DCAF13: variants seen among roughly 807,000 people sequenced by gnomAD.
The protein encoded by DCAF13 is DDB1 and CUL4 associated factor 13, also known as DDB1- and CUL4-associated factor 13.
A neutral mutation model predicts 59.0 loss-of-function variants in DCAF13; 38 were observed. The ratio of observed to expected loss-of-function variants is 0.64; its 90% CI spans 0.50 to 0.84. The LOEUF is 0.84. Ranked by LOEUF, DCAF13 falls within the 40% of genes least tolerant of loss-of-function variation. DCAF13 has a pLI of 0.00. For synonymous variants in DCAF13, 173 were observed against 175.0 expected, an observed-to-expected ratio of 0.99 and a Z score of 0.09; for missense variants, 469 against 558.4, an observed-to-expected ratio of 0.84 and a Z score of 1.61.
At chr8:103,438,097 G>T (rs2130495833) in intron 8 of DCAF13, among the ~76,000 whole-genome samples, 1 of 152,244 alleles carries the variant, frequency 6.6e-6, no homozygotes, top group Admixed American at 6.5e-5. Flanking sequence ...CTAACCGTTG[G>T]ATCTGACTGG....
chr8:103,441,649 CT>C, intron 10 of DCAF13, 31 bp downstream of exon 10: 1 of 1,597,824 alleles, frequency 6.3e-7, no homozygotes, highest in Admixed American at 1.8e-5. Context: ...CTCTATTACC[CT>C]TTTCTGACTT....
intron 10 of DCAF13, 162 bp downstream of exon 10, chr8:103,441,780 T>TA: frequency 3.0e-6 from 2 of 672,236 alleles, no homozygotes; most frequent in Non-Finnish European, 4.7e-6. Flanking sequence ...TTTTCTTTTT[T>TA]CTTTTTTTTT....
chr8:103,434,971 G>T (rs2130492850), intron 7 of DCAF13, among the ~76,000 whole-genome samples: 1 of 152,160 alleles, frequency 6.6e-6, no homozygotes, highest in South Asian at 2.1e-4. Flanking sequence ...AAATGCTCAT[G>T]CCTTTAAGCT....
At position 103,415,773 on chromosome 8, in the gene DCAF13, C is replaced by A. The variant is rs151232952; in HGVS notation, c.70+257C>A. 2.6e-5 allele frequency among the ~76,000 whole-genome samples: 4 copies of A among 152,298 alleles called. No individual in the cohort carries two copies. In the East Asian group the frequency reaches 7.7e-4, roughly 29 times the overall value. On this transcript the variant is annotated intron_variant, in intron 1 of 10. Transcript: ENST00000612750. ...CAGTTGTCTATAGTGGAGAAAAATT[C>A]CAGCTGCTGCTCTGGGATTGTCTTC...
At chr8:103,418,858 ATATATATATTTTTTTTT>A (rs1816675374) in intron 1 of DCAF13, among the ~76,000 whole-genome samples, 1 of 34,946 alleles carries the variant, frequency 2.9e-5, no homozygotes, top group Non-Finnish European at 4.8e-5. Context: ...ATATATATAT[ATATATATATTTTTTTTT>A]TTTTTTTTTT....
At chr8:103,439,876 A>G (rs994036872) in intron 8 of DCAF13, 1 of 235,076 alleles carries the variant, frequency 4.3e-6, no homozygotes, top group Non-Finnish European at 8.1e-6. Flanking sequence ...TTTTCTGTAC[A>G]TCTGGTTTTG....
At chr8:103,432,108 G>A (rs1816872919) in intron 6 of DCAF13, among the ~76,000 whole-genome samples, 1 of 152,080 alleles carries the variant, frequency 6.6e-6, no homozygotes, top group South Asian at 2.1e-4. Context: ...GTAGTTCTTA[G>A]TCAGGGATTG....
Position 103,425,925 on chromosome 8 carries a change from A to G in DCAF13, c.379-131A>G, listed in dbSNP as rs116568816. ...AAACAAGGTGGGATATAAATGGATCAATAAGTGTAATACTGGAATGATATG... is the reference window on the plus strand; with the variant it reads ...AAACAAGGTGGGATATAAATGGATCGATAAGTGTAATACTGGAATGATATG... On this transcript the variant is annotated intron_variant, in intron 3 of 10. Coordinates refer to ENST00000612750, the MANE Select transcript of DCAF13 (RefSeq NM_015420.7). 1,333 of 647,906 alleles carry G rather than the reference A, an allele frequency of 2.1e-3. 15 individuals carry two copies. Among genetic ancestry groups the G allele is most frequent in the African/African-American group, 0.016 (848 of 54,458 alleles). The allele number at this position is 647,906 out of a possible 1,614,324, so 40.1% of individuals were successfully genotyped here.
chr8:103,421,308 A>C lies in DCAF13; in HGVS notation c.378+226A>C, dbSNP rs200624174. ...AATATTCAATTTACCACAAAAGTGG[A>C]ATTAATGAGAGGTAAGTCTAGAAAG... is the stretch of plus-strand genomic sequence containing the variant. On this transcript the variant is annotated intron_variant, in intron 3 of 10. Coordinates refer to ENST00000612750, the MANE Select transcript of DCAF13 (RefSeq NM_015420.7). 1.3e-3 allele frequency: 842 copies of C among 632,302 alleles called. 9 individuals carry two copies. Among genetic ancestry groups the C allele is most frequent in the Non-Finnish European group, 2.3e-4 (80 of 345,728 alleles). 39.2% of individuals were successfully genotyped at this position (632,302 alleles called of 1,614,324 possible).
intron 1 of DCAF13, 111 bp downstream of exon 1, chr8:103,415,627 T>C: frequency 9.2e-7 from 1 of 1,081,118 alleles, no homozygotes; most frequent in Non-Finnish European, 1.3e-6. Context: ...TGGTTCTTTC[T>C]CAGTTACCTT....
At chr8:103,418,757 A>T (rs1816663429) in intron 1 of DCAF13, among the ~76,000 whole-genome samples, 1 of 142,828 alleles carries the variant, frequency 7.0e-6, no homozygotes, top group South Asian at 2.3e-4. Context: ...GGGTAAGAAG[A>T]TGCATTTACT....
intron 3 of DCAF13, among the ~76,000 whole-genome samples, chr8:103,425,250 TATGATTTTGTTTTCAACCTCAAACTAC>T (rs1816772866): frequency 6.6e-6 from 1 of 152,210 alleles, no homozygotes. Context: ...GTACCACATT[TATGATTTTGTTTTCAACCTCAAACTAC>T]ATTATATGTT....
intron 8 of DCAF13, among the ~76,000 whole-genome samples, chr8:103,438,299 A>G (rs912361621): frequency 3.3e-5 from 5 of 152,214 alleles, no homozygotes; most frequent in African/African-American, 4.8e-5. Context: ...TCATTTTAAT[A>G]GGACGTTCTT....
chr8:103,417,635 C>A (rs568989526), intron 1 of DCAF13, among the ~76,000 whole-genome samples: 25 of 136,228 alleles, frequency 1.8e-4, no homozygotes, highest in African/African-American at 7.4e-4. Context: ...GAGGGAGACT[C>A]CGTCTCAAAA....
At chr8:103,419,950 A>C (rs1266748174) in intron 1 of DCAF13, among the ~76,000 whole-genome samples, 1 of 150,784 alleles carries the variant, frequency 6.6e-6, no homozygotes, top group Non-Finnish European at 1.5e-5. Context: ...CGGAGGTTGC[A>C]GTGAGCCGAG....
chr8:103,418,866 ATTTTT>A (rs1159489554), intron 1 of DCAF13, among the ~76,000 whole-genome samples: 17 of 38,374 alleles, frequency 4.4e-4, no homozygotes, highest in Non-Finnish European at 7.8e-4. Flanking sequence ...ATATATATAT[ATTTTT>A]TTTTTTTTTT....
At chr8:103,422,928 T>C (rs1337827883) in intron 3 of DCAF13, among the ~76,000 whole-genome samples, 3 of 152,038 alleles carry the variant, frequency 2.0e-5, no homozygotes, top group African/African-American at 7.3e-5. Context: ...AAAAAGAAAA[T>C]AGACTAATTT....
At chr8:103,423,315 A>G (rs1816746605) in intron 3 of DCAF13, among the ~76,000 whole-genome samples, 1 of 151,200 alleles carries the variant, frequency 6.6e-6, no homozygotes, top group African/African-American at 2.5e-5. Context: ...CCAGCAATGG[A>G]TGAATGAATT....
chr8:103,419,073 A>G (rs1390817705), intron 1 of DCAF13, among the ~76,000 whole-genome samples: 3 of 150,636 alleles, frequency 2.0e-5, no homozygotes, highest in Non-Finnish European at 3.0e-5. Flanking sequence ...TTTTTAGTAG[A>G]TGGGATTTCA....
Sources: gnomAD v4.1 joint callset for allele counts (sites outside exome capture counted in the v4.1 genomes callset) on GRCh38, gnomAD v4.1.1 for gene constraint, MANE v1.5 for transcripts, NCBI Gene and HGNC (gene_info 2026-07-23, HGNC 2026-07-21) for gene names.